The following SKIC3 variants were observed in gnomAD, a reference collection of about 807,000 sequenced individuals.
SKIC3 encodes the protein superkiller complex protein 3.
the SKIC3 span, among the ~76,000 whole-genome samples, chr5:95,487,929 C>T: frequency 6.6e-6 from 1 of 151,710 alleles, no homozygotes; most frequent in Non-Finnish European, 1.5e-5. Flanking sequence ...AAAACCAGTA[C>T]AAAGAAATTA....
At chr5:95,491,286 G>T in the SKIC3 span, among the ~76,000 whole-genome samples, 1 of 152,068 alleles carries the variant, frequency 6.6e-6, no homozygotes, top group African/African-American at 2.4e-5. Flanking sequence ...TTCATCCATG[G>T]CTGGTTAGCT....
the SKIC3 span, among the ~76,000 whole-genome samples, chr5:95,526,478 T>G: frequency 5.8e-4 from 88 of 151,678 alleles, no homozygotes; most frequent in Non-Finnish European, 8.4e-4. Context: ...TCTTTTTTTT[T>G]TTGTTTTTTG....
At chr5:95,498,745 C>A in the SKIC3 span, among the ~76,000 whole-genome samples, 1 of 152,084 alleles carries the variant, frequency 6.6e-6, no homozygotes, top group East Asian at 1.9e-4. Context: ...CCTGCCTCAG[C>A]CTCCCGAGTA....
chr5:95,466,851 C>T, the SKIC3 span, among the ~76,000 whole-genome samples: 21 of 152,254 alleles, frequency 1.4e-4, no homozygotes, highest in Middle Eastern at 3.4e-3. Flanking sequence ...TTCATTCTTA[C>T]GGCTTTTTCT....
chr5:95,489,203 C>A, the SKIC3 span, among the ~76,000 whole-genome samples: 2 of 151,584 alleles, frequency 1.3e-5, no homozygotes, highest in African/African-American at 4.8e-5. Context: ...ACTTGGGAGG[C>A]GGAGGCAGGA....
At chr5:95,499,470 G>C in the SKIC3 span, among the ~76,000 whole-genome samples, 1 of 152,124 alleles carries the variant, frequency 6.6e-6, no homozygotes, top group Non-Finnish European at 1.5e-5. Context: ...AGAACCTTGA[G>C]CCAATTTAAC....
chr5:95,508,711 G>A, the SKIC3 span, among the ~76,000 whole-genome samples: 7 of 152,092 alleles, frequency 4.6e-5, no homozygotes, highest in African/African-American at 1.7e-4. Context: ...AGCTTATCAT[G>A]TCTCTTCAGC....
At chr5:95,508,143 T>C in the SKIC3 span, among the ~76,000 whole-genome samples, 1 of 152,188 alleles carries the variant, frequency 6.6e-6, no homozygotes, top group South Asian at 2.1e-4. Flanking sequence ...CAGGCTCCAG[T>C]ACCATCTAGT....
chr5:95,473,070 T>G, the SKIC3 span, among the ~76,000 whole-genome samples: 7 of 152,164 alleles, frequency 4.6e-5, no homozygotes, highest in Non-Finnish European at 8.8e-5. Flanking sequence ...GATAAACACA[T>G]GAATGCATGT....
the SKIC3 span, among the ~76,000 whole-genome samples, chr5:95,509,432 C>T: frequency 6.6e-6 from 1 of 152,128 alleles, no homozygotes; most frequent in African/African-American, 2.4e-5. Flanking sequence ...TTCCAGGCCA[C>T]GCACCCAAGA....
At chr5:95,499,734 A>G in the SKIC3 span, among the ~76,000 whole-genome samples, 1 of 152,174 alleles carries the variant, frequency 6.6e-6, no homozygotes, top group Non-Finnish European at 1.5e-5. Flanking sequence ...ATGGTATTGA[A>G]ACCAGCACTT....
At chr5:95,504,796 T>C in the SKIC3 span, among the ~76,000 whole-genome samples, 1 of 151,228 alleles carries the variant, frequency 6.6e-6, no homozygotes, top group Non-Finnish European at 1.5e-5. Flanking sequence ...AGGTCAGGAG[T>C]TCAAGACCAA....
the SKIC3 span, among the ~76,000 whole-genome samples, chr5:95,510,976 A>C: frequency 2.8e-4 from 43 of 152,372 alleles, no homozygotes; most frequent in African/African-American, 9.1e-4. Context: ...CCTTTAGATT[A>C]TTTAACAAAG....
At chr5:95,532,467 C>T in the SKIC3 span, among the ~76,000 whole-genome samples, 1 of 152,028 alleles carries the variant, frequency 6.6e-6, no homozygotes, top group Admixed American at 6.6e-5. Flanking sequence ...AAACTAGCAA[C>T]AGTAATAACA....
chr5:95,482,645 C>A, the SKIC3 span: 15 of 1,613,024 alleles, frequency 9.3e-6, no homozygotes, highest in Non-Finnish European at 1.1e-5. Flanking sequence ...GAAATCAAAT[C>A]CCAAAGAGGA....
At chr5:95,540,699 A>T in the SKIC3 span, 1 of 1,614,040 alleles carries the variant, frequency 6.2e-7, no homozygotes, top group Admixed American at 1.7e-5. Context: ...CCAATTGCTG[A>T]GTTTCATTAT....
the SKIC3 span, among the ~76,000 whole-genome samples, chr5:95,531,856 G>C: frequency 3.9e-5 from 6 of 152,086 alleles, no homozygotes; most frequent in African/African-American, 1.4e-4. Flanking sequence ...CCTCTGGAGA[G>C]TACAGACCAG....
chr5:95,500,177 T>C, the SKIC3 span, among the ~76,000 whole-genome samples: 1 of 152,184 alleles, frequency 6.6e-6, no homozygotes, highest in African/African-American at 2.4e-5. Context: ...AGATCATTGC[T>C]AGGCTAGAAA....
At chr5:95,540,715 T>C in the SKIC3 span, 1 of 1,614,006 alleles carries the variant, frequency 6.2e-7, no homozygotes, top group Non-Finnish European at 8.5e-7. Flanking sequence ...ATTATTCTGG[T>C]CCTCTGTACT....
Sources: allele counts gnomAD v4.1 joint callset (sites outside exome capture counted in the v4.1 genomes callset), GRCh38; gene constraint gnomAD v4.1.1; transcripts MANE v1.5; gene names NCBI Gene and HGNC (gene_info 2026-07-23, HGNC 2026-07-21).